The following CMYA5 variants were observed in gnomAD, a reference collection of about 807,000 sequenced individuals.
CMYA5 encodes the protein cardiomyopathy associated 5, also known as cardiomyopathy-associated protein 5.
Under a neutral mutation model 318.9 loss-of-function variants are expected in CMYA5, and 246 were observed. That is an observed-to-expected ratio of 0.77 (90% CI 0.70 to 0.86). The LOEUF (loss-of-function observed/expected upper bound fraction) is 0.86, where lower values mean the gene tolerates loss of function less well. CMYA5 is among the 40% of genes least tolerant of loss of function. CMYA5 has a pLI of 0.00. For synonymous variants in CMYA5, 1,641 were observed against 1,729.5 expected, an observed-to-expected ratio of 0.95 and a Z score of 1.27; for missense variants, 4,589 against 4,678.2, an observed-to-expected ratio of 0.98 and a Z score of 0.56.
intron 11 of CMYA5, among the ~76,000 whole-genome samples, chr5:79,791,944 T>C (rs531846836): frequency 2.3e-4 from 35 of 152,162 alleles, no homozygotes; most frequent in Non-Finnish European, 3.8e-4. Context: ...TGTGAAACTC[T>C]TGAAAACTGT....
In CMYA5 at chr5:79,799,665, G is replaced by GA; in HGVS notation, c.*49_*50insA. 1 of 1,566,606 alleles carries GA rather than the reference G, an allele frequency of 6.4e-7. No homozygotes were observed. The highest frequency in any genetic ancestry group is 8.7e-7 in the Non-Finnish European group (1 of 1,152,134). On this transcript the variant is annotated 3_prime_UTR_variant, in exon 13 of 13. Coordinates refer to ENST00000446378, the MANE Select transcript of CMYA5 (RefSeq NM_153610.5). ...GAACAGCGATTTGAATTTTGGGGGG[G>GA]TCTGCTGTTCATTCCTTTAGGTGCT...
chr5:79,799,873 A>ACCAAAG lies in CMYA5; in HGVS notation c.*257_*258insCCAAAG. 5 of 142,344 alleles carry ACCAAAG rather than the reference A, an allele frequency of 3.5e-5. No individual in the cohort carries two copies. The highest frequency in any genetic ancestry group is 1.5e-4 in the South Asian group (1 of 6,880). 8.8% of individuals were successfully genotyped at this position (142,344 alleles called of 1,614,324 possible). ...AAGTTTGAGTTCTTTCCTAAATTAA[A>ACCAAAG]AGATCTACACTTGAGTTGGGAACCG... On this transcript the variant is annotated 3_prime_UTR_variant, in exon 13 of 13. Coordinates refer to ENST00000446378, the MANE Select transcript of CMYA5 (RefSeq NM_153610.5).
chr5:79,729,798 T>C lies in CMYA5; in HGVS notation c.1033T>C (p.Tyr345His), dbSNP rs765916813. The C allele has an allele frequency of 3.7e-6, 6 of 1,613,860 alleles. No individual in the cohort carries two copies. The South Asian group carries it at 6.6e-5, about 18-fold the overall frequency. The change falls in exon 2 of 13, where the codon TAT becomes CAT. Residue 345 changes from tyrosine to histidine, a missense_variant. Tyr to His is a moderately conservative substitution (Grantham distance 83). Around this residue, in one of 3 missense-constraint regions of CMYA5, gnomAD observed 2,132 missense variants for 2,131.3 expected, o/e 1.00. Coordinates refer to ENST00000446378, the MANE Select transcript of CMYA5 (RefSeq NM_153610.5). Reference sequence around the variant, plus strand: ...TGCATTGGAGCACACAGTTCCCTCTTATTCAAGTAGTGGCAGAGCAGAACA... The same window carrying C: ...TGCATTGGAGCACACAGTTCCCTCTCATTCAAGTAGTGGCAGAGCAGAACA... ...TSALEHTVPSYSSSGRAEQGI... is the reference protein window; with the variant it reads ...TSALEHTVPSHSSSGRAEQGI...
chr5:79,724,265 A>G (rs556303417), intron 1 of CMYA5, among the ~76,000 whole-genome samples: 1 of 152,070 alleles, frequency 6.6e-6, no homozygotes, highest in Non-Finnish European at 1.5e-5. Context: ...CGGAGGTTGC[A>G]GTGAGCCGAG....
At chr5:79,785,464 G>C (rs1178406368) in intron 9 of CMYA5, among the ~76,000 whole-genome samples, 2 of 151,450 alleles carry the variant, frequency 1.3e-5, no homozygotes, top group African/African-American at 2.4e-5. Flanking sequence ...GTCTTTTTTT[G>C]TTTCCCTCAG....
At chr5:79,753,403 T>G (rs990451202) in intron 6 of CMYA5, among the ~76,000 whole-genome samples, 2 of 152,178 alleles carry the variant, frequency 1.3e-5, no homozygotes, top group South Asian at 2.1e-4. Context: ...AGCTGCCATG[T>G]TTCAGTGAAG....
Position 79,730,405 on chromosome 5 carries a change from TC to T in CMYA5, c.1643del (p.Pro548HisfsTer57), listed in dbSNP as rs767168099. On this transcript the variant is annotated frameshift_variant, in exon 2 of 13. Transcript: ENST00000446378. LOFTEE classifies it high-confidence loss of function. ...PESPLVSEKP[F>X]PPHMSPEVEH... ...AGCCCATTGGTTTCCGAGAAGCCCT[TC>T]CCACCACATATGTCCCCTGAAGTGG... 1.1e-5 allele frequency: 17 copies of T among 1,613,884 alleles called. No individual in the cohort carries two copies. The highest frequency in any genetic ancestry group is 5.0e-5 in the Admixed American group (3 of 60,018).
intron 1 of CMYA5, among the ~76,000 whole-genome samples, chr5:79,719,697 A>G (rs140293142): frequency 1.3e-3 from 204 of 152,352 alleles, no homozygotes; most frequent in South Asian, 0.011. Context: ...GGGAAAATTC[A>G]GAAATGGAGA....
chr5:79,736,044 G>A lies in CMYA5; in HGVS notation c.7279G>A (p.Asp2427Asn). The A allele has an allele frequency of 6.2e-7, 1 of 1,612,554 alleles. No individual in the cohort carries two copies. The highest frequency in any genetic ancestry group is 2.2e-5 in the East Asian group (1 of 44,854). ...SKGSLIDFSEDRLKKEMQNPT... is the reference protein window; with the variant it reads ...SKGSLIDFSENRLKKEMQNPT... ...AGGCAGTTTAATTGATTTCAGTGAA[G>A]ACAGACTCAAGAAAGAAATGCAAAA... Residue 2427 changes from aspartate to asparagine, a missense_variant, in exon 2 of 13, where the codon GAC becomes AAC. By Grantham distance (23) the Asp-to-Asn change is conservative (BLOSUM62 1). Around this residue, in one of 3 missense-constraint regions of CMYA5, gnomAD observed 2,431 missense variants for 2,495.1 expected, o/e 0.97. Transcript: ENST00000446378.
At chr5:79,694,990 A>G (rs1360825356) in intron 1 of CMYA5, among the ~76,000 whole-genome samples, 2 of 152,228 alleles carry the variant, frequency 1.3e-5, no homozygotes, top group South Asian at 4.1e-4. Flanking sequence ...CTTTGACTCA[A>G]CGAAGAGTTA....
intron 1 of CMYA5, among the ~76,000 whole-genome samples, chr5:79,701,745 C>T (rs1448643252): frequency 2.6e-5 from 4 of 152,150 alleles, no homozygotes; most frequent in East Asian, 3.8e-4. Flanking sequence ...ACACATTTGC[C>T]CACATAAAAA....
intron 1 of CMYA5, among the ~76,000 whole-genome samples, chr5:79,723,103 A>G (rs1352343296): frequency 6.6e-6 from 1 of 152,172 alleles, no homozygotes; most frequent in East Asian, 1.9e-4. Flanking sequence ...TCTATGAGGC[A>G]TCATAATCTT....
At position 79,735,564 on chromosome 5, in the gene CMYA5, A is replaced by G. The variant is rs527802787; in HGVS notation, c.6799A>G (p.Met2267Val). 1.1e-5 allele frequency: 17 copies of G among 1,613,280 alleles called. No homozygotes were observed. Among genetic ancestry groups the G allele is most frequent in the South Asian group, 3.3e-5 (3 of 90,922 alleles). Residue 2267 changes from methionine to valine, a missense_variant, in exon 2 of 13, where the codon ATG (methionine) becomes GTG (valine). Met to Val is a conservative substitution (Grantham distance 21, BLOSUM62 1). This residue lies in a region of CMYA5 where 2,431 missense variants were observed against 2,495.1 expected (regional missense o/e 0.97). Transcript: ENST00000446378. ...GDGQNVKEKS[M>V]ILSNVEDLQQ... ...CGGTCAAAACGTTAAAGAAAAATCCATGATTTTATCAAATGTAGAAGATTT... is the reference window on the plus strand; with the variant it reads ...CGGTCAAAACGTTAAAGAAAAATCCGTGATTTTATCAAATGTAGAAGATTT...
intron 9 of CMYA5, among the ~76,000 whole-genome samples, chr5:79,769,210 G>A (rs1053122393): frequency 2.0e-5 from 3 of 151,886 alleles, no homozygotes; most frequent in Middle Eastern, 3.4e-3. Flanking sequence ...CTTTTTTCAA[G>A]GTTCTTAGCT....
chr5:79,720,042 A>G (rs1463202414), intron 1 of CMYA5, among the ~76,000 whole-genome samples: 4 of 152,252 alleles, frequency 2.6e-5, no homozygotes. Context: ...AATGAAGCAC[A>G]CACAGGATAC....
At position 79,739,065 on chromosome 5, in the gene CMYA5, C is replaced by G. The variant is rs758772337; in HGVS notation, c.10300C>G (p.Gln3434Glu). 2 of 1,613,816 alleles carry G rather than the reference C, an allele frequency of 1.2e-6. No individual in the cohort carries two copies. Among genetic ancestry groups the G allele is most frequent in the South Asian group, 1.1e-5 (1 of 91,078 alleles). Residue 3434 changes from glutamine (Q) to glutamate (E), a missense_variant, in exon 2 of 13, where the codon CAA becomes GAA. Gln to Glu is a conservative substitution (Grantham distance 29). Transcript: ENST00000446378. ...TESLHNEVVP[Q>E]DILSEELSSE... Reference sequence around the variant, plus strand: ...ATCCCTGCATAATGAAGTGGTTCCTCAAGACATATTATCAGAAGAACTGTC... The same window carrying G: ...ATCCCTGCATAATGAAGTGGTTCCTGAAGACATATTATCAGAAGAACTGTC...
At chr5:79,697,611 T>G (rs1156975798) in intron 1 of CMYA5, among the ~76,000 whole-genome samples, 1 of 152,214 alleles carries the variant, frequency 6.6e-6, no homozygotes, top group Non-Finnish European at 1.5e-5. Context: ...CCATATTGAG[T>G]AATTTACCTA....
intron 9 of CMYA5, among the ~76,000 whole-genome samples, chr5:79,773,380 A>C (rs1487549763): frequency 1.3e-5 from 2 of 152,246 alleles, no homozygotes; most frequent in African/African-American, 4.8e-5. Context: ...TAGTGCTTGG[A>C]TATTTAACCA....
In CMYA5 at chr5:79,735,759, GC is replaced by G. The variant is rs1828047948; in HGVS notation, c.6996del (p.Thr2334LeufsTer47). The G allele has an allele frequency of 6.3e-7, 1 of 1,576,648 alleles. No homozygotes were observed. The highest frequency in any genetic ancestry group is 8.6e-7 in the Non-Finnish European group (1 of 1,167,614). On this transcript the variant is annotated frameshift_variant, in exon 2 of 13. Transcript: ENST00000446378. LOFTEE classifies it high-confidence loss of function. ...LIGEKLVMEEAKTIVPPHVTD... is the reference protein window; with the variant it reads ...LIGEKLVMEEXKTIVPPHVTD... ...CGGTGAGAAATTGGTTATGGAAGAAGCCAAAACTATTGTTCCTCCTCATGTT... is the reference window on the plus strand; with the variant it reads ...CGGTGAGAAATTGGTTATGGAAGAAGCAAAACTATTGTTCCTCCTCATGTT...
Sources: allele counts gnomAD v4.1 joint callset (sites outside exome capture counted in the v4.1 genomes callset), GRCh38; gene constraint gnomAD v4.1.1; regional missense constraint gnomAD v4.1.1; transcripts MANE v1.5; gene names NCBI Gene and HGNC (gene_info 2026-07-23, HGNC 2026-07-21).